Variants in OSBPL6 observed in about 807,000 individuals in gnomAD.
OSBPL6 encodes oxysterol-binding protein-related protein 6.
OSBPL6 carries 49 observed loss-of-function variants against 125.8 expected under a neutral mutation model. The observed-to-expected ratio is 0.39, with a 90% confidence interval of 0.31 to 0.49. The LOEUF is 0.49. Ranked by LOEUF, OSBPL6 falls within the 20% of genes least tolerant of loss-of-function variation. The pLI is 0.88. For synonymous variants in OSBPL6, 394 were observed against 391.8 expected (o/e 1.01, Z -0.07); for missense variants, 986 against 1,135.4 (o/e 0.87, Z 1.89).
intron 13 of OSBPL6, among the ~76,000 whole-genome samples, chr2:178,369,229 C>G (rs761784160): frequency 9.9e-5 from 15 of 152,204 alleles, no homozygotes; most frequent in Non-Finnish European, 2.1e-4. Context: ...TGATAAAACT[C>G]TCTCCAGACC....
chr2:178,377,924 G>A (rs1482014858), intron 15 of OSBPL6, among the ~76,000 whole-genome samples: 1 of 152,174 alleles, frequency 6.6e-6, no homozygotes, highest in Non-Finnish European at 1.5e-5. Flanking sequence ...CACCTCCTGG[G>A]TTCAAGCAAG....
chr2:178,212,004 G>C (rs185082016), intron 1 of OSBPL6, among the ~76,000 whole-genome samples: 1 of 152,240 alleles, frequency 6.6e-6, no homozygotes, highest in East Asian at 1.9e-4. Flanking sequence ...GGAAGTTGGG[G>C]GCTGCTTTGC....
chr2:178,238,805 C>G (rs1254686000), intron 1 of OSBPL6, among the ~76,000 whole-genome samples: 2 of 151,976 alleles, frequency 1.3e-5, no homozygotes, highest in Non-Finnish European at 2.9e-5. Flanking sequence ...GGAACATATC[C>G]CCCCAAAATA....
intron 1 of OSBPL6, among the ~76,000 whole-genome samples, chr2:178,206,671 G>C (rs767098733): frequency 2.6e-5 from 4 of 152,058 alleles, no homozygotes; most frequent in Non-Finnish European, 4.4e-5. Flanking sequence ...CTGGAGTTCA[G>C]TGGCACGATC....
At chr2:178,346,368 C>T (rs1434088) in intron 11 of OSBPL6, among the ~76,000 whole-genome samples, 152,256 of 152,332 alleles carry the variant, frequency 1, 76,090 homozygotes, top group Non-Finnish European at 1. Context: ...ATAGTATCTA[C>T]CTTAGACCTA....
intron 1 of OSBPL6, among the ~76,000 whole-genome samples, chr2:178,198,676 A>T (rs1336154380): frequency 7.1e-6 from 1 of 141,346 alleles, no homozygotes; most frequent in Non-Finnish European, 1.6e-5. Context: ...CGGCACAAAG[A>T]GGTTAAGTAA....
chr2:178,282,873 G>C (rs558648040), intron 1 of OSBPL6, among the ~76,000 whole-genome samples: 1 of 152,072 alleles, frequency 6.6e-6, no homozygotes, highest in African/African-American at 2.4e-5. Context: ...AGCTGGTCTC[G>C]ATCTCCTGAC....
At chr2:178,225,391 C>T (rs79005102) in intron 1 of OSBPL6, among the ~76,000 whole-genome samples, 2,874 of 152,268 alleles carry the variant, frequency 0.019, 53 homozygotes, top group Non-Finnish European at 0.031. Context: ...TTGAAATTGG[C>T]ACATCCAGCA....
At chr2:178,393,297 T>G (rs1252266312) in intron 23 of OSBPL6, among the ~76,000 whole-genome samples, 2 of 152,256 alleles carry the variant, frequency 1.3e-5, no homozygotes, top group African/African-American at 2.4e-5. Flanking sequence ...TTGCCCAATG[T>G]GGTTTTGATC....
intron 2 of OSBPL6, among the ~76,000 whole-genome samples, chr2:178,304,798 A>G (rs546966756): frequency 5.3e-5 from 8 of 152,306 alleles, no homozygotes; most frequent in Admixed American, 2.0e-4. Flanking sequence ...CCATATCGCC[A>G]TATCTCTGAC....
intron 11 of OSBPL6, among the ~76,000 whole-genome samples, chr2:178,345,545 G>T (rs1428038566): frequency 1.3e-5 from 2 of 152,154 alleles, no homozygotes; most frequent in Non-Finnish European, 2.9e-5. Context: ...TAGCTTTCAT[G>T]GTCCATGTAT....
chr2:178,272,123 G>C (rs1413691331), intron 1 of OSBPL6, among the ~76,000 whole-genome samples: 1 of 152,202 alleles, frequency 6.6e-6, no homozygotes, highest in South Asian at 2.1e-4. Flanking sequence ...CAGTGGTCTG[G>C]CAAGAACTTA....
Position 178,340,992 on chromosome 2 carries a change from T to C in OSBPL6, c.987+1228T>C, listed in dbSNP as rs16866270. ...GTGTTTTCCCTTCTGTTCATAAAAT[T>C]AATATTGTAGGGACAGATGTGCCGA... On this transcript the variant is annotated intron_variant, in intron 11 of 24. Coordinates refer to ENST00000190611, the MANE Select transcript of OSBPL6 (RefSeq NM_032523.4). Among the ~76,000 whole-genome samples, 998 of 152,320 alleles carry C rather than the reference T, an allele frequency of 6.6e-3. 80 individuals are homozygous for C. In the East Asian group the frequency reaches 0.16, roughly 24 times the overall value.
Position 178,384,034 on chromosome 2 carries a change from A to G in OSBPL6, c.1876-5A>G, listed in dbSNP as rs1694722258. 6.2e-7 allele frequency: 1 copy of G among 1,613,188 alleles called. No individual in the cohort carries two copies. Among genetic ancestry groups the G allele is most frequent in the East Asian group, 2.2e-5 (1 of 44,870 alleles). ...ATTATTCCCTTTTCTTCAATGTTTTAACAGGTTCTCGTTGCCGCATTTGCA... is the reference window on the plus strand; with the variant it reads ...ATTATTCCCTTTTCTTCAATGTTTTGACAGGTTCTCGTTGCCGCATTTGCA... On this transcript the variant is annotated splice_region_variant and splice_polypyrimidine_tract_variant and intron_variant, in intron 17 of 24. Coordinates refer to ENST00000190611, the MANE Select transcript of OSBPL6 (RefSeq NM_032523.4).
At chr2:178,294,867 CT>C (rs35140268) in intron 2 of OSBPL6, among the ~76,000 whole-genome samples, 66,472 of 133,536 alleles carry the variant, frequency 0.5, 15,486 homozygotes, top group African/African-American at 0.52. Flanking sequence ...TCACCATTAG[CT>C]TTTTTTTTTT....
intron 1 of OSBPL6, among the ~76,000 whole-genome samples, chr2:178,281,910 C>T (rs991863332): frequency 6.6e-6 from 1 of 152,114 alleles, no homozygotes; most frequent in Non-Finnish European, 1.5e-5. Flanking sequence ...ACACATTTAC[C>T]TGTGTAACAA....
chr2:178,322,363 TAA>T (rs1477977118), intron 3 of OSBPL6, among the ~76,000 whole-genome samples: 4 of 152,118 alleles, frequency 2.6e-5, no homozygotes, highest in Non-Finnish European at 5.9e-5. Context: ...ACTGGAAGAT[TAA>T]AGTAAGCAAA....
chr2:178,221,597 A>G (rs2090343215), intron 1 of OSBPL6, among the ~76,000 whole-genome samples: 1 of 152,230 alleles, frequency 6.6e-6, no homozygotes, highest in African/African-American at 2.4e-5. Context: ...AAACTTCTAA[A>G]TATTCCTACA....
chr2:178,330,591 T>C (rs1574887754), intron 5 of OSBPL6, among the ~76,000 whole-genome samples: 2 of 152,186 alleles, frequency 1.3e-5, no homozygotes, highest in Admixed American at 6.5e-5. Context: ...GCAGAACTCA[T>C]AGGGGTTCTC....
Sources: gnomAD v4.1 joint callset for allele counts (sites outside exome capture counted in the v4.1 genomes callset) on GRCh38, gnomAD v4.1.1 for gene constraint, MANE v1.5 for transcripts, NCBI Gene and HGNC (gene_info 2026-07-23, HGNC 2026-07-21) for gene names.